Variants in TMEM63C observed in about 807,000 individuals in gnomAD.
The protein encoded by TMEM63C is transmembrane protein 63C.
In TMEM63C, 32 loss-of-function variants were observed where a neutral mutation model predicts 99.2. The observed-to-expected ratio is 0.32, with a 90% CI of 0.24 to 0.43. The LOEUF (loss-of-function observed/expected upper bound fraction) is 0.43. Ranked by LOEUF, TMEM63C falls within the 20% of genes least tolerant of loss-of-function variation. The pLI is 1.00. For synonymous variants in TMEM63C, 376 were observed against 397.9 expected, an observed-to-expected ratio of 0.94 and a Z score of 0.66; for missense variants, 826 against 1,053.0, an observed-to-expected ratio of 0.78 and a Z score of 2.98.
chr14:77,256,859 C>T lies in TMEM63C; in HGVS notation c.*133C>T. The stretch of plus-strand genomic sequence containing the variant: ...GAGAAGCCCACAGTGGAGACATCCA[C>T]CACCCCAGCCATGGGCCATACGGGG... On this transcript the variant is annotated 3_prime_UTR_variant, in exon 24 of 24. Transcript: ENST00000298351. 1 of 822,260 alleles carries T rather than the reference C, an allele frequency of 1.2e-6. No individual in the cohort carries two copies. The highest frequency in any genetic ancestry group is 1.9e-6 in the Non-Finnish European group (1 of 532,982). The allele number at this position is 822,260 out of a possible 1,614,324, so 50.9% of individuals were successfully genotyped here.
rs1156717914 is a variant in TMEM63C, at chr14:77,233,397, C to T, written c.494-55C>T. The T allele has an allele frequency of 2.6e-5, 41 of 1,578,572 alleles. No homozygotes were observed. In the East Asian group the frequency reaches 5.7e-4, roughly 22 times the overall value. On this transcript the variant is annotated intron_variant, in intron 7 of 23. Transcript: ENST00000298351. ...TTTGTCCAGGAACCTTGAATTCTGG[C>T]GCCCCCAGCAACTGAGGAGCCAGGC...
intron 1 of TMEM63C, among the ~76,000 whole-genome samples, chr14:77,211,704 C>G (rs926618925): frequency 6.6e-6 from 1 of 152,196 alleles, no homozygotes; most frequent in Non-Finnish European, 1.5e-5. Flanking sequence ...CTTTTTGAAG[C>G]CTTTGCCCAG....
rs1043222165 is a variant in TMEM63C at position 77,243,007 on chromosome 14, T to C, written c.1292T>C (p.Met431Thr). 1.2e-6 allele frequency: 2 copies of C among 1,613,976 alleles called. No homozygotes were observed. Among genetic ancestry groups the C allele is most frequent in the Admixed American group, 1.7e-5 (1 of 60,028 alleles). The change falls in exon 15 of 24, where the codon ATG becomes ACG. Residue 431 changes from methionine to threonine, a missense_variant. Coordinates refer to ENST00000298351, the MANE Select transcript of TMEM63C (RefSeq NM_020431.4). ...FFFLTTPAII[M>T]NTIDMYNVTR... Reference sequence around the variant, plus strand: ...TTTCTCACCACGCCTGCCATCATCATGAACACTATCGACATGTACAACGTC... The same window carrying C: ...TTTCTCACCACGCCTGCCATCATCACGAACACTATCGACATGTACAACGTC...
chr14:77,218,109 T>A (rs569759616), intron 2 of TMEM63C, among the ~76,000 whole-genome samples: 17 of 152,162 alleles, frequency 1.1e-4, no homozygotes, highest in African/African-American at 4.1e-4. Flanking sequence ...ACCCAAAGGA[T>A]AAATGCTCGA....
intron 10 of TMEM63C, 89 bp from the exon 11 acceptor site, chr14:77,239,323 G>C: frequency 2.2e-6 from 3 of 1,361,714 alleles, no homozygotes; most frequent in Non-Finnish European, 3.1e-6. Flanking sequence ...GAGCCACCCA[G>C]CCCTCAGGGC....
At position 77,230,687 on chromosome 14, in the gene TMEM63C, A is replaced by C. The variant is rs148496003; in HGVS notation, c.351-901A>C. Among the ~76,000 whole-genome samples the C allele has an allele frequency of 5.2e-3, 792 of 152,142 alleles. 1 individual carries two copies. Among genetic ancestry groups the C allele is most frequent in the African/African-American group, 0.011 (470 of 41,488 alleles). ...ATGAGACTCTAACTAATGCCTGATG[A>C]TCTGAGGTAGAACAGTTTCATCCCA... On this transcript the variant is annotated intron_variant, in intron 6 of 23. Transcript: ENST00000298351.
intron 1 of TMEM63C, among the ~76,000 whole-genome samples, chr14:77,192,662 T>A (rs2140091261): frequency 6.6e-6 from 1 of 152,268 alleles, no homozygotes; most frequent in South Asian, 2.1e-4. Context: ...CTCGGGAGGC[T>A]GAGGCAGGAG....
intron 9 of TMEM63C, among the ~76,000 whole-genome samples, chr14:77,237,708 C>T (rs1034899675): frequency 4.9e-4 from 75 of 152,330 alleles, no homozygotes; most frequent in African/African-American, 1.7e-3. Context: ...AAAGAGCAGT[C>T]GCAGTATTTG....
intron 5 of TMEM63C, among the ~76,000 whole-genome samples, chr14:77,220,399 C>T (rs1333482586): frequency 6.6e-6 from 1 of 152,214 alleles, no homozygotes; most frequent in Non-Finnish European, 1.5e-5. Flanking sequence ...ACAGTCCCGT[C>T]CTGCCCACGT....
intron 8 of TMEM63C, among the ~76,000 whole-genome samples, chr14:77,234,854 AAC>A (rs1231830673): frequency 1.3e-5 from 2 of 152,170 alleles, no homozygotes; most frequent in African/African-American, 4.8e-5. Context: ...GCCTGCAGGT[AAC>A]ACAGGTTCTT....
chr14:77,219,381 G>A, intron 3 of TMEM63C, 117 bp from the exon 4 acceptor site: 1 of 999,724 alleles, frequency 1.0e-6, no homozygotes. Context: ...ACCTTCTAGT[G>A]GAGGAGCTCC....
intron 6 of TMEM63C, among the ~76,000 whole-genome samples, chr14:77,226,102 A>C (rs1888818027): frequency 6.6e-6 from 1 of 152,206 alleles, no homozygotes; most frequent in African/African-American, 2.4e-5. Flanking sequence ...AGGCATACAC[A>C]CATGCACACT....
At chr14:77,235,236 G>T (rs1889016529) in intron 8 of TMEM63C, among the ~76,000 whole-genome samples, 1 of 151,502 alleles carries the variant, frequency 6.6e-6, no homozygotes, top group Admixed American at 6.6e-5. Context: ...CTCCAAGAAG[G>T]TGTTCCTGGA....
intron 1 of TMEM63C, among the ~76,000 whole-genome samples, chr14:77,190,559 T>G (rs566533766): frequency 3.9e-4 from 60 of 152,248 alleles, no homozygotes; most frequent in African/African-American, 1.4e-3. Context: ...GTTACAAAAA[T>G]GAACATACCA....
chr14:77,253,663 G>A (rs777477976), intron 23 of TMEM63C, among the ~76,000 whole-genome samples: 9 of 152,352 alleles, frequency 5.9e-5, no homozygotes, highest in Non-Finnish European at 1.0e-4. Flanking sequence ...AGACCACAGC[G>A]ACCTCGGTCA....
chr14:77,195,144 A>G (rs1055743849), intron 1 of TMEM63C, among the ~76,000 whole-genome samples: 1 of 152,172 alleles, frequency 6.6e-6, no homozygotes, highest in Non-Finnish European at 1.5e-5. Flanking sequence ...AGGGGAGAAT[A>G]CCAGTTAAAA....
chr14:77,248,468 T>G lies in TMEM63C; in HGVS notation c.1723T>G (p.Phe575Val). 6.3e-7 allele frequency: 1 copy of G among 1,594,088 alleles called. No individual in the cohort carries two copies. The highest frequency in any genetic ancestry group is 8.5e-7 in the Non-Finnish European group (1 of 1,170,340). Reference protein sequence around the residue: ...GSLFCYSTRLFFSRSEPERVN... With the variant: ...GSLFCYSTRLVFSRSEPERVN... ...ACTCTTCTGCTACAGCACCCGCCTC[T>G]TCTTCTCTAGATCAGAGCCAGAGAG... The change falls in exon 19 of 24, where the codon TTC (phenylalanine) becomes GTC (valine). Residue 575 changes from phenylalanine (F) to valine (V), a missense_variant. Transcript: ENST00000298351.
intron 13 of TMEM63C, among the ~76,000 whole-genome samples, chr14:77,240,931 CTT>C (rs575279817): frequency 0.24 from 31,336 of 127,912 alleles, 3,759 homozygotes; most frequent in Admixed American, 0.3. Flanking sequence ...TTCCCTTTTT[CTT>C]TTTTTTTTTT....
intron 5 of TMEM63C, among the ~76,000 whole-genome samples, chr14:77,222,870 G>A (rs79223325): frequency 0.17 from 25,807 of 152,202 alleles, 2,541 homozygotes; most frequent in Middle Eastern, 0.28. Flanking sequence ...TGTCTGTAAC[G>A]ATCCCTCATC....
Sources: allele counts gnomAD v4.1 joint callset (sites outside exome capture counted in the v4.1 genomes callset), GRCh38; gene constraint gnomAD v4.1.1; transcripts MANE v1.5; gene names NCBI Gene and HGNC (gene_info 2026-07-23, HGNC 2026-07-21).